Variants in DYTN observed in about 807,000 individuals in gnomAD.
The protein encoded by DYTN is dystrotelin.
In DYTN, 75 loss-of-function variants were observed where a neutral mutation model predicts 69.6. The observed-to-expected ratio is 1.08, with a 90% CI of 0.89 to 1.31. DYTN has a LOEUF of 1.31. Ranked by LOEUF, DYTN falls within the 50% of genes most tolerant of loss-of-function variation. The pLI is 0.00. For missense variants in DYTN, 726 were observed against 688.4 expected, an observed-to-expected ratio of 1.05 and a Z score of -0.61; for synonymous variants, 252 against 249.1, an observed-to-expected ratio of 1.01 and a Z score of -0.11.
rs113838785 is a variant in DYTN, at chr2:206,700,176, A to G, written c.524T>C (p.Val175Ala). The change falls in exon 6 of 12, where the codon GTG becomes GCG. Residue 175 changes from valine to alanine, a missense_variant. Val to Ala is a moderately conservative substitution (Grantham distance 64). Coordinates refer to ENST00000452335, the MANE Select transcript of DYTN (RefSeq NM_001093730.1). Reference protein sequence around the residue: ...FVGESRALCPVESATRSCFQG... With the variant: ...FVGESRALCPAESATRSCFQG... Reference sequence around the variant, plus strand: ...GAAACAGCTGCGGGTGGCACTTTCCACAGGGCACAGAGCACGACTCTCTCC... The same window carrying G: ...GAAACAGCTGCGGGTGGCACTTTCCGCAGGGCACAGAGCACGACTCTCTCC... 2 of 1,613,928 alleles carry G rather than the reference A, an allele frequency of 1.2e-6. No individual in the cohort carries two copies. Among genetic ancestry groups the G allele is most frequent in the Non-Finnish European group, 1.7e-6 (2 of 1,179,830 alleles).
At chr2:206,657,031 G>C (rs1699458519) in intron 11 of DYTN, among the ~76,000 whole-genome samples, 1 of 151,868 alleles carries the variant, frequency 6.6e-6, no homozygotes, top group Admixed American at 6.5e-5. Context: ...CAAAGTGCTG[G>C]GATTATAGTC....
At position 206,663,363 on chromosome 2, in the gene DYTN, A is replaced by G. The variant is rs766542984; in HGVS notation, c.1173T>C (p.Ser391=). 5.6e-6 allele frequency: 9 copies of G among 1,609,234 alleles called. No homozygotes were observed. Among genetic ancestry groups the G allele is most frequent in the Non-Finnish European group, 7.6e-6 (9 of 1,177,650 alleles). Residue 391 remains serine (S), a synonymous_variant, in exon 11 of 12, where the codon TCT becomes TCC. Coordinates refer to ENST00000452335, the MANE Select transcript of DYTN (RefSeq NM_001093730.1). ...ARLQPPGPSS[S]SFQNVGNKVD... is the part of the protein sequence containing the mutation. ...CCTTGTTCCCCACATTTTGAAAGGAAGAAGATGAAGGACCGGGTGGCTGCA... is the reference window on the plus strand; with the variant it reads ...CCTTGTTCCCCACATTTTGAAAGGAGGAAGATGAAGGACCGGGTGGCTGCA...
chr2:206,705,154 T>G (rs1479071514), intron 4 of DYTN: 1 of 544,428 alleles, frequency 1.8e-6, no homozygotes, highest in Non-Finnish European at 3.3e-6. Context: ...TAGAGTGCAA[T>G]GGCACAATCT....
At position 206,694,688 on chromosome 2, in the gene DYTN, G is replaced by A. The variant is rs78405174; in HGVS notation, c.831+78C>T. ...CAGGAGCAGAATCTGTGGTTTCACTGGAGGGAAGGTTTTTTCATGGCTATA... is the reference window on the plus strand; with the variant it reads ...CAGGAGCAGAATCTGTGGTTTCACTAGAGGGAAGGTTTTTTCATGGCTATA... On this transcript the variant is annotated intron_variant, in intron 8 of 11. Coordinates refer to ENST00000452335, the MANE Select transcript of DYTN (RefSeq NM_001093730.1). The A allele has an allele frequency of 1.5e-4, 177 of 1,187,202 alleles. 1 individual carries two copies. The East Asian group carries it at 4.4e-3, about 29-fold the overall frequency. 73.5% of individuals were successfully genotyped at this position (1,187,202 alleles called of 1,614,324 possible). A position where few individuals can be genotyped will look rare whatever the true frequency, so the allele number is the denominator to read the frequency against.
chr2:206,663,920 G>A (rs981240274), intron 10 of DYTN, among the ~76,000 whole-genome samples: 7 of 152,140 alleles, frequency 4.6e-5, no homozygotes, highest in African/African-American at 1.4e-4. Flanking sequence ...TGTTCATAAG[G>A]ATACTTAGAT....
intron 9 of DYTN, among the ~76,000 whole-genome samples, chr2:206,683,406 C>T (rs1699773133): frequency 7.2e-6 from 1 of 138,292 alleles, no homozygotes; most frequent in African/African-American, 2.7e-5. Flanking sequence ...TGCAGTGGCT[C>T]TCTCTTGGCT....
At position 206,705,076 on chromosome 2, in the gene DYTN, G is replaced by A. The variant is rs1700012419; in HGVS notation, c.383-133C>T. The A allele has an allele frequency of 1.5e-5, 11 of 753,874 alleles. No individual in the cohort carries two copies. In the South Asian group the frequency reaches 2.0e-4, roughly 14 times the overall value. The allele number at this position is 753,874 out of a possible 1,614,324, so 46.7% of individuals were successfully genotyped here. ...GGGAAAGTTATGTTCTTGATTATTGGCTAGCTATTATGAAGGCCTCCAAAA... is the reference window on the plus strand; with the variant it reads ...GGGAAAGTTATGTTCTTGATTATTGACTAGCTATTATGAAGGCCTCCAAAA... On this transcript the variant is annotated intron_variant, in intron 4 of 11. Coordinates refer to ENST00000452335, the MANE Select transcript of DYTN (RefSeq NM_001093730.1).
chr2:206,666,604 C>T (rs1243350745), intron 9 of DYTN, among the ~76,000 whole-genome samples: 1 of 152,130 alleles, frequency 6.6e-6, no homozygotes, highest in African/African-American at 2.4e-5. Flanking sequence ...ACACCCAACA[C>T]TTGACCAGGA....
intron 11 of DYTN, among the ~76,000 whole-genome samples, chr2:206,659,599 G>C (rs1699486977): frequency 6.7e-6 from 1 of 149,616 alleles, no homozygotes. Context: ...CTTTGATTTT[G>C]CTTGTTTCAC....
Position 206,675,486 on chromosome 2 carries a change from A to G in DYTN, c.981-9457T>C, listed in dbSNP as rs535256295. ...CATAGCTTTCCAAAATATCATCATCAATAATTAAGAAATAATACAGTGGGA... is the reference window on the plus strand; with the variant it reads ...CATAGCTTTCCAAAATATCATCATCGATAATTAAGAAATAATACAGTGGGA... On this transcript the variant is annotated intron_variant, in intron 9 of 11. Transcript: ENST00000452335. Among the ~76,000 whole-genome samples, 41 of 152,024 alleles carry G rather than the reference A, an allele frequency of 2.7e-4. 1 individual carries two copies. Among genetic ancestry groups the G allele is most frequent in the Admixed American group, 2.6e-3 (39 of 15,246 alleles).
chr2:206,709,716 A>G (rs1700062186), intron 2 of DYTN, among the ~76,000 whole-genome samples: 2 of 152,198 alleles, frequency 1.3e-5, no homozygotes, highest in African/African-American at 2.4e-5. Flanking sequence ...TAGAAATGTC[A>G]TATATATAAC....
intron 7 of DYTN, among the ~76,000 whole-genome samples, chr2:206,699,096 A>G (rs1209153981): frequency 6.6e-6 from 1 of 152,206 alleles, no homozygotes; most frequent in Non-Finnish European, 1.5e-5. Flanking sequence ...TGTTGTTAGG[A>G]TGATGATGAT....
intron 9 of DYTN, among the ~76,000 whole-genome samples, chr2:206,674,521 C>A (rs1231857603): frequency 1.3e-5 from 2 of 151,926 alleles, no homozygotes; most frequent in Admixed American, 6.6e-5. Flanking sequence ...TAAATAATTT[C>A]TATGTTAGAT....
Position 206,663,197 on chromosome 2 carries a change from C to G in DYTN, c.1339G>C (p.Glu447Gln), listed in dbSNP as rs1699532076. Residue 447 changes from glutamate to glutamine, a missense_variant, in exon 11 of 12, where the codon GAG becomes CAG. By Grantham distance (29) the Glu-to-Gln change is conservative (BLOSUM62 2). Transcript: ENST00000452335. ...GATTCTGGATTTCGCAGAGCATGCT[C>G]TGCATTTGTGTGACTTCTGTGACTT... The part of the protein sequence containing the change: ...DRSHRSHTNA[E>Q]HALRNPESPE... The G allele has an allele frequency of 1.9e-6, 3 of 1,613,960 alleles. No homozygotes were observed. In the South Asian group the frequency reaches 3.3e-5, roughly 18 times the overall value.
At chr2:206,668,942 T>A (rs1423877736) in intron 9 of DYTN, among the ~76,000 whole-genome samples, 6 of 152,176 alleles carry the variant, frequency 3.9e-5, no homozygotes, top group Admixed American at 3.9e-4. Context: ...CTGCTTCTCC[T>A]TTGCCTTCCA....
chr2:206,687,883 T>C (rs1445610880), intron 9 of DYTN, among the ~76,000 whole-genome samples: 2 of 152,222 alleles, frequency 1.3e-5, no homozygotes, highest in South Asian at 4.1e-4. Context: ...AGTAGTTTTA[T>C]AGTAAGTGTT....
At chr2:206,680,803 C>T (rs1473318979) in intron 9 of DYTN, among the ~76,000 whole-genome samples, 2 of 152,138 alleles carry the variant, frequency 1.3e-5, no homozygotes, top group Non-Finnish European at 2.9e-5. Context: ...AATAATTCTC[C>T]CCTGTTGCAC....
At chr2:206,694,655 A>G (rs1699900402) in intron 8 of DYTN, 111 bp downstream of exon 8, 8 of 776,570 alleles carry the variant, frequency 1.0e-5, no homozygotes, top group East Asian at 2.7e-5. Context: ...AAATATTGCA[A>G]TGTATGACAG....
chr2:206,680,142 T>C (rs757236705), intron 9 of DYTN, among the ~76,000 whole-genome samples: 5 of 152,188 alleles, frequency 3.3e-5, no homozygotes, highest in Non-Finnish European at 5.9e-5. Context: ...CAGTTCCACA[T>C]GGCTGGGGAG....
Sources: gnomAD v4.1 joint callset for allele counts (sites outside exome capture counted in the v4.1 genomes callset) on GRCh38, gnomAD v4.1.1 for gene constraint, MANE v1.5 for transcripts, NCBI Gene and HGNC (gene_info 2026-07-23, HGNC 2026-07-21) for gene names.